Variants in CHN2 observed in about 807,000 individuals in gnomAD.
CHN2 encodes chimerin 2.
Under a neutral mutation model 56.3 loss-of-function variants are expected in CHN2, and 35 were observed. The ratio of observed to expected loss-of-function variants is 0.62; its 90% confidence interval spans 0.47 to 0.82. CHN2 has a LOEUF of 0.82. CHN2 is among the 40% of genes least tolerant of loss of function. CHN2 has a pLI of 0.00. For missense variants in CHN2, 491 were observed against 580.5 expected (o/e 0.85, Z 1.58); for synonymous variants, 210 against 212.8 (o/e 0.99, Z 0.12).
At chr7:29,490,774 T>C (rs1339544387) in intron 7 of CHN2, among the ~76,000 whole-genome samples, 2 of 152,178 alleles carry the variant, frequency 1.3e-5, no homozygotes, top group Admixed American at 1.3e-4. Context: ...CTATTTGAAA[T>C]GTTATTATAT....
At chr7:29,349,501 A>C (rs1348029694) in intron 1 of CHN2, among the ~76,000 whole-genome samples, 2 of 152,070 alleles carry the variant, frequency 1.3e-5, no homozygotes, top group East Asian at 3.9e-4. Context: ...GCAAACTCTC[A>C]TTTTCATGAC....
chr7:29,511,630 A>AAAT (rs1294912734), intron 12 of CHN2, among the ~76,000 whole-genome samples: 8 of 152,114 alleles, frequency 5.3e-5, no homozygotes. Flanking sequence ...GTTGACCTTA[A>AAAT]AATAATACTC....
At chr7:29,353,067 CTGTG>C (rs1022418420) in intron 1 of CHN2, among the ~76,000 whole-genome samples, 2 of 152,150 alleles carry the variant, frequency 1.3e-5, no homozygotes, top group Non-Finnish European at 2.9e-5. Flanking sequence ...AACGCACTGA[CTGTG>C]TGTGTGCCTA....
chr7:29,448,419 C>T (rs1402056914), intron 6 of CHN2, among the ~76,000 whole-genome samples: 1 of 152,148 alleles, frequency 6.6e-6, no homozygotes, highest in South Asian at 2.1e-4. Flanking sequence ...CACACAGCAG[C>T]TTTCTCCTAA....
intron 1 of CHN2, among the ~76,000 whole-genome samples, chr7:29,258,536 G>A (rs1789259771): frequency 1.3e-5 from 2 of 152,124 alleles, no homozygotes; most frequent in Non-Finnish European, 2.9e-5. Context: ...GTCTAAGTCT[G>A]TTGCATCTCC....
At chr7:29,471,541 C>A (rs960624927) in intron 6 of CHN2, among the ~76,000 whole-genome samples, 1 of 151,450 alleles carries the variant, frequency 6.6e-6, no homozygotes, top group African/African-American at 2.4e-5. Flanking sequence ...CACATACAGG[C>A]CTTTCAGGTT....
chr7:29,350,774 C>T (rs1157560547), intron 1 of CHN2, among the ~76,000 whole-genome samples: 1 of 152,098 alleles, frequency 6.6e-6, no homozygotes, highest in Non-Finnish European at 1.5e-5. Context: ...TGCTATTGAC[C>T]GGACGTTGTC....
intron 1 of CHN2, among the ~76,000 whole-genome samples, chr7:29,266,380 G>C (rs1305062584): frequency 6.6e-6 from 1 of 152,212 alleles, no homozygotes; most frequent in Non-Finnish European, 1.5e-5. Context: ...CTAATAGGAA[G>C]AGTATATTTC....
rs57823678 is a variant in CHN2 at position 29,405,164 on chromosome 7, TACACACACACAC to T, written c.576+4383_576+4394del. On this transcript the variant is annotated intron_variant, in intron 6 of 12. Coordinates refer to ENST00000222792, the MANE Select transcript of CHN2 (RefSeq NM_004067.4). ...TCTGTATGGAGTGCTTATGTCACCATACACACACACACACACACACACACACACACACACACA... is the reference window on the plus strand; with the variant it reads ...TCTGTATGGAGTGCTTATGTCACCATACACACACACACACACACACACACA... 6.2e-3 allele frequency among the ~76,000 whole-genome samples: 657 copies of T among 105,216 alleles called. 8 individuals are homozygous for T. Among genetic ancestry groups the T allele is most frequent in the African/African-American group, 0.018 (544 of 30,820 alleles). The allele number at this position is 105,216 out of a possible 152,430, so 69.0% of individuals were successfully genotyped here.
chr7:29,382,029 GCCTCAGTTAGT>G (rs1410357998), intron 3 of CHN2, among the ~76,000 whole-genome samples: 1 of 152,084 alleles, frequency 6.6e-6, no homozygotes, highest in African/African-American at 2.4e-5. Context: ...GCTTCTCTGT[GCCTCAGTTAGT>G]CCTCTGGAAA....
chr7:29,287,362 G>A (rs6462132), intron 1 of CHN2, among the ~76,000 whole-genome samples: 128,890 of 152,152 alleles, frequency 0.85, 54,722 homozygotes, highest in East Asian at 1. Context: ...GGGCATGAGG[G>A]GGAAGTGACT....
intron 1 of CHN2, among the ~76,000 whole-genome samples, chr7:29,277,441 A>G (rs1791326196): frequency 6.6e-6 from 1 of 152,220 alleles, no homozygotes; most frequent in South Asian, 2.1e-4. Flanking sequence ...AGCAGGAATC[A>G]GGTACCCACA....
intron 3 of CHN2, chr7:29,380,658 C>T (rs1360308099): frequency 6.6e-6 from 1 of 152,150 alleles, no homozygotes; most frequent in African/African-American, 2.4e-5. Context: ...TACCATTAAG[C>T]TTTGATGGAA....
intron 1 of CHN2, among the ~76,000 whole-genome samples, chr7:29,263,165 A>G (rs923235372): frequency 6.6e-6 from 1 of 151,974 alleles, no homozygotes; most frequent in Admixed American, 6.5e-5. Context: ...AGTGCCTGGG[A>G]TTGCAGGCAC....
intron 7 of CHN2, among the ~76,000 whole-genome samples, chr7:29,490,015 T>G (rs1263195876): frequency 2.0e-5 from 3 of 152,166 alleles, no homozygotes; most frequent in Admixed American, 2.0e-4. Context: ...AATTTCTAAA[T>G]ATTGCATTTT....
intron 3 of CHN2, among the ~76,000 whole-genome samples, chr7:29,374,520 T>A (rs1351790545): frequency 1.3e-5 from 2 of 152,118 alleles, no homozygotes; most frequent in Non-Finnish European, 1.5e-5. Flanking sequence ...ATAATACAGA[T>A]CCCCGCAAGT....
At chr7:29,291,136 C>A (rs533267704) in intron 1 of CHN2, among the ~76,000 whole-genome samples, 1 of 152,116 alleles carries the variant, frequency 6.6e-6, no homozygotes, top group Non-Finnish European at 1.5e-5. Context: ...CCCTTACCAG[C>A]GGAGTGTTTC....
intron 1 of CHN2, among the ~76,000 whole-genome samples, chr7:29,310,978 G>C (rs1188756555): frequency 6.6e-6 from 1 of 152,114 alleles, no homozygotes; most frequent in African/African-American, 2.4e-5. Flanking sequence ...GAAAACTATT[G>C]AAAGAATTCT....
At chr7:29,197,351 C>T (rs138728598) in intron 1 of CHN2, among the ~76,000 whole-genome samples, 1 of 152,304 alleles carries the variant, frequency 6.6e-6, no homozygotes, top group African/African-American at 2.4e-5. Flanking sequence ...CTGGCTTCAT[C>T]ACCGACCAGC....
Sources: gnomAD v4.1 joint callset for allele counts (sites outside exome capture counted in the v4.1 genomes callset) on GRCh38, gnomAD v4.1.1 for gene constraint, MANE v1.5 for transcripts, NCBI Gene and HGNC (gene_info 2026-07-23, HGNC 2026-07-21) for gene names.